ABL1: variants seen among roughly 807,000 people sequenced by gnomAD.
ABL1 encodes the protein tyrosine-protein kinase ABL1.
A neutral mutation model predicts 94.7 loss-of-function variants in ABL1; 11 were observed. The observed-to-expected ratio is 0.12, with a 90% CI of 0.07 to 0.19. The LOEUF is 0.19. Among genes scored for constraint, ABL1 ranks in the 10% least tolerant of loss-of-function variants. The probability of loss-of-function intolerance (pLI) is 1.00; values close to 1 mark genes in which losing one functional copy is unlikely to be tolerated. For synonymous variants in ABL1, 656 were observed against 622.4 expected, an observed-to-expected ratio of 1.05 and a Z score of -0.80; for missense variants, 1,082 against 1,489.4, an observed-to-expected ratio of 0.73 and a Z score of 4.50.
chr9:130,717,272 A>G (rs1390220496), intron 1 of ABL1, among the ~76,000 whole-genome samples: 2 of 152,066 alleles, frequency 1.3e-5, no homozygotes, highest in African/African-American at 4.8e-5. Flanking sequence ...TGAACTCCTG[A>G]CTTCAAATGA....
chr9:130,834,434 C>T (rs191123231), upstream of ABL1, among the ~76,000 whole-genome samples: 16 of 152,228 alleles, frequency 1.1e-4, no homozygotes, highest in South Asian at 8.3e-4. Flanking sequence ...GCCAGTAACA[C>T]GACTGTGATT....
chr9:130,756,630 C>G (rs1343331432), intron 1 of ABL1, among the ~76,000 whole-genome samples: 1 of 152,074 alleles, frequency 6.6e-6, no homozygotes, highest in Admixed American at 6.6e-5. Flanking sequence ...GAAGTTAGGG[C>G]TAGTGTGAGT....
chr9:130,741,511 T>C (rs2583841), intron 1 of ABL1, among the ~76,000 whole-genome samples: 28,581 of 150,974 alleles, frequency 0.19, 3,377 homozygotes, highest in Middle Eastern at 0.39. Flanking sequence ...GAGTAACAGT[T>C]ACCACACTGA....
At chr9:130,758,176 T>A (rs1010163980) in intron 1 of ABL1, among the ~76,000 whole-genome samples, 2 of 152,128 alleles carry the variant, frequency 1.3e-5, no homozygotes, top group African/African-American at 4.8e-5. Context: ...TTTTTTCTTT[T>A]TTGAGACAGA....
chr9:130,859,869 T>A (rs776588050), intron 3 of ABL1, among the ~76,000 whole-genome samples: 12 of 151,634 alleles, frequency 7.9e-5, no homozygotes, highest in Admixed American at 1.3e-4. Context: ...TTAGTAGAGA[T>A]GGGGTTTCAC....
intron 1 of ABL1, among the ~76,000 whole-genome samples, chr9:130,827,965 A>T (rs1232994351): frequency 3.5e-5 from 3 of 85,006 alleles, no homozygotes; most frequent in South Asian, 2.8e-4. Context: ...AATACTGCTT[A>T]AAAAAAAAAG....
At chr9:130,811,868 T>C (rs1422006054) in intron 1 of ABL1, among the ~76,000 whole-genome samples, 1 of 130,920 alleles carries the variant, frequency 7.6e-6, no homozygotes, top group Non-Finnish European at 1.5e-5. Context: ...GCGGAGATAG[T>C]GCTACTGCAC....
At chr9:130,717,752 G>A (rs904553996) in intron 1 of ABL1, among the ~76,000 whole-genome samples, 1 of 151,868 alleles carries the variant, frequency 6.6e-6, no homozygotes, top group African/African-American at 2.4e-5. Flanking sequence ...AGTGGCTCAC[G>A]CCTGTAATCC....
chr9:130,811,707 G>A (rs1324865447), intron 1 of ABL1, among the ~76,000 whole-genome samples: 1 of 151,798 alleles, frequency 6.6e-6, no homozygotes, highest in Admixed American at 6.6e-5. Flanking sequence ...TCAGGAGTTC[G>A]AGACCAGCCT....
At chr9:130,743,233 C>T (rs1011681292) in intron 1 of ABL1, among the ~76,000 whole-genome samples, 13 of 152,130 alleles carry the variant, frequency 8.5e-5, no homozygotes, top group South Asian at 2.1e-4. Flanking sequence ...CCACCATGCC[C>T]GGCTAATTTT....
At position 130,880,490 on chromosome 9, in the gene ABL1, T is replaced by A; in HGVS notation, c.1514-10T>A. 1 of 1,613,732 alleles carries A rather than the reference T, an allele frequency of 6.2e-7. No individual in the cohort carries two copies. Among genetic ancestry groups the A allele is most frequent in the Non-Finnish European group, 8.5e-7 (1 of 1,179,822 alleles). On this transcript the variant is annotated splice_polypyrimidine_tract_variant and intron_variant, in intron 9 of 10. Coordinates refer to ENST00000318560, the MANE Select transcript of ABL1 (RefSeq NM_005157.6). This position sits in a 1 kb window ranked among gnomAD's most constrained non-coding sequence, Gnocchi z 4.4. ...CTGGATTTTTGTTTCTGTCCCTGTATGATTCTTAGAAGTGGAAAAGGAGCT... is the reference window on the plus strand; with the variant it reads ...CTGGATTTTTGTTTCTGTCCCTGTAAGATTCTTAGAAGTGGAAAAGGAGCT...
At chr9:130,832,247 C>A, upstream of ABL1, among the ~76,000 whole-genome samples, 1 of 150,964 alleles carries the variant, frequency 6.6e-6, no homozygotes, top group Non-Finnish European at 1.5e-5. Flanking sequence ...CTCAGCCTCC[C>A]GAGTAGCTGG....
At chr9:130,779,463 C>G (rs575863463) in intron 1 of ABL1, among the ~76,000 whole-genome samples, 1 of 152,178 alleles carries the variant, frequency 6.6e-6, no homozygotes, top group Non-Finnish European at 1.5e-5. Context: ...TATGGCATAA[C>G]GCAGTACATT....
At chr9:130,817,398 C>T (rs553675955) in intron 1 of ABL1, among the ~76,000 whole-genome samples, 19 of 152,190 alleles carry the variant, frequency 1.2e-4, no homozygotes, top group African/African-American at 4.1e-4. Context: ...GTTCCTCTTC[C>T]TTATTTGAAG....
chr9:130,855,124 AT>A, intron 3 of ABL1, 28 bp downstream of exon 3: 1 of 1,602,252 alleles, frequency 6.2e-7, no homozygotes, highest in Non-Finnish European at 8.5e-7. Flanking sequence ...GGGGGCGCTG[AT>A]GGGCCCAGGG....
intron 1 of ABL1, among the ~76,000 whole-genome samples, chr9:130,781,506 G>T (rs1822623067): frequency 6.6e-6 from 1 of 152,188 alleles, no homozygotes; most frequent in African/African-American, 2.4e-5. Context: ...TGCCAGAGAA[G>T]AATCTTCCTC....
chr9:130,851,766 C>CTT (rs149948786), intron 1 of ABL1, among the ~76,000 whole-genome samples: 66 of 122,808 alleles, frequency 5.4e-4, no homozygotes, highest in Non-Finnish European at 6.9e-4. Flanking sequence ...CTCTCTTTTT[C>CTT]TTTTTTTTTT....
intron 1 of ABL1, among the ~76,000 whole-genome samples, chr9:130,726,820 A>C (rs1831592638): frequency 6.6e-6 from 1 of 152,188 alleles, no homozygotes. Context: ...TTAAAGTAGA[A>C]ATTTAGATCG....
At chr9:130,769,338 T>TC (rs1405878964) in intron 1 of ABL1, among the ~76,000 whole-genome samples, 1 of 143,404 alleles carries the variant, frequency 7.0e-6, no homozygotes, top group East Asian at 2.0e-4. Context: ...TCTTTTTTTT[T>TC]TTTTTTTTTT....
Sources: allele counts gnomAD v4.1 joint callset (sites outside exome capture counted in the v4.1 genomes callset), GRCh38; gene constraint gnomAD v4.1.1; non-coding constraint Gnocchi (gnomAD v3.1); transcripts MANE v1.5; gene names NCBI Gene and HGNC (gene_info 2026-07-23, HGNC 2026-07-21).